Variants in PDXDC1 observed in about 807,000 individuals in gnomAD.
PDXDC1 encodes pyridoxal dependent decarboxylase domain containing 1, also known as pyridoxal-dependent decarboxylase domain-containing protein 1.
Under a neutral mutation model 100.1 loss-of-function variants are expected in PDXDC1, and 42 were observed. That is an observed-to-expected ratio of 0.42 (90% CI 0.33 to 0.54). PDXDC1 has a LOEUF of 0.54. Among genes scored for constraint, PDXDC1 ranks in the 20% least tolerant of loss-of-function variants. The pLI is 0.10. For synonymous variants in PDXDC1, 260 were observed against 371.7 expected, an observed-to-expected ratio of 0.70 and a Z score of 3.46; for missense variants, 636 against 979.2, an observed-to-expected ratio of 0.65 and a Z score of 4.68.
At chr16:15,047,643 C>G (rs1229221724) in intron 16 of PDXDC1, 2 of 1,015,726 alleles carry the variant, frequency 2.0e-6, no homozygotes, top group Non-Finnish European at 3.1e-6. Flanking sequence ...ACCGCCTCAT[C>G]TTTGAATATC....
Position 14,975,128 on chromosome 16 carries a change from G to A in PDXDC1, c.-72G>A. 3.4e-6 allele frequency: 5 copies of A among 1,471,620 alleles called. No homozygotes were observed. The East Asian group carries it at 7.8e-5, about 23-fold the overall frequency. 91.2% of individuals were successfully genotyped at this position (1,471,620 alleles called of 1,614,324 possible). A position where few individuals can be genotyped will look rare whatever the true frequency, so the allele number is the denominator to read the frequency against. On this transcript the variant is annotated 5_prime_UTR_variant, in exon 1 of 23. Coordinates refer to ENST00000396410, the MANE Select transcript of PDXDC1 (RefSeq NM_015027.4). ...CGGGGGACGTCAGCGCTGCCAGCGT[G>A]GAAGGAGCTGCGGGGCGCGGGAGGA... is the stretch of plus-strand genomic sequence containing the variant.
downstream of PDXDC1, among the ~76,000 whole-genome samples, chr16:15,141,752 C>T (rs369016405): frequency 5.3e-5 from 8 of 152,204 alleles, no homozygotes; most frequent in South Asian, 4.1e-4. Flanking sequence ...CCATCCCCGC[C>T]GTGGGGTGGG....
At chr16:14,977,345 T>C (rs1966931824) in intron 1 of PDXDC1, among the ~76,000 whole-genome samples, 1 of 147,792 alleles carries the variant, frequency 6.8e-6, no homozygotes, top group South Asian at 2.2e-4. Context: ...AGTGAGGCGA[T>C]CTCGGATCCC....
In PDXDC1 at chr16:15,074,771, G is replaced by C. The variant is rs150785898; in HGVS notation, c.1399+44715G>C. 1.8e-5 allele frequency: 29 copies of C among 1,614,068 alleles called. No individual in the cohort carries two copies. In the South Asian group the frequency reaches 3.2e-4, roughly 18 times the overall value. On this transcript the variant is annotated intron_variant, in intron 16 of 16. Coordinates refer to the PDXDC1 transcript ENST00000535621. ...ATGTAGGACAAAACCAAAGACATCA[G>C]GATGTCCAGGCGCTCGGCTACAGGA...
At chr16:15,044,293 T>G in intron 16 of PDXDC1, 1 of 1,399,300 alleles carries the variant, frequency 7.1e-7, no homozygotes, top group Non-Finnish European at 1.0e-6. Flanking sequence ...GGGTACATAT[T>G]TATGTCCAAT....
intron 16 of PDXDC1, among the ~76,000 whole-genome samples, chr16:15,095,561 A>C (rs1598042292): frequency 6.6e-6 from 1 of 152,092 alleles, no homozygotes. Flanking sequence ...TTAAAAATGC[A>C]TATGTATGGG....
At chr16:14,994,342 T>G (rs1377735278) in intron 1 of PDXDC1, among the ~76,000 whole-genome samples, 2 of 152,294 alleles carry the variant, frequency 1.3e-5, no homozygotes, top group East Asian at 3.8e-4. Flanking sequence ...GGATCCAGTT[T>G]CAGCTTTCTA....
At chr16:15,007,587 G>A (rs1019948929) in intron 6 of PDXDC1, among the ~76,000 whole-genome samples, 1 of 152,296 alleles carries the variant, frequency 6.6e-6, no homozygotes, top group African/African-American at 2.4e-5. Flanking sequence ...AAACCATAGG[G>A]TTGGAGGGTT....
chr16:15,148,959 A>G, the PDXDC1 span, among the ~76,000 whole-genome samples: 2 of 152,284 alleles, frequency 1.3e-5, no homozygotes, highest in Non-Finnish European at 2.9e-5. Context: ...ATCCGTGTCT[A>G]ATAAAGAAAC....
At chr16:15,010,748 A>G (rs2041193186) in intron 8 of PDXDC1, among the ~76,000 whole-genome samples, 1 of 152,294 alleles carries the variant, frequency 6.6e-6, no homozygotes. Flanking sequence ...AAGAAAAGCT[A>G]CTGGAACTAA....
rs140792129 is a variant in PDXDC1 at position 15,035,638 on chromosome 16, C to T, written c.2107+85C>T. ...CGTTTGTTTTCTGGGTTCTTGAACT[C>T]CAGAGGTCTATTTCTCTTAAGACCA... On this transcript the variant is annotated intron_variant, in intron 22 of 22. Coordinates refer to ENST00000396410, the MANE Select transcript of PDXDC1 (RefSeq NM_015027.4). 177 of 718,788 alleles carry T rather than the reference C, an allele frequency of 2.5e-4. 1 individual carries two copies. In the East Asian group the frequency reaches 4.4e-3, roughly 18 times the overall value. The allele number at this position is 718,788 out of a possible 1,614,324, so 44.5% of individuals were successfully genotyped here.
intron 19 of PDXDC1, among the ~76,000 whole-genome samples, chr16:15,033,621 C>T (rs971062640): frequency 2.0e-5 from 3 of 152,226 alleles, no homozygotes; most frequent in African/African-American, 7.2e-5. Flanking sequence ...GAAAGATCCA[C>T]ATAGCCACGC....
chr16:15,095,399 A>T (rs1446544266), intron 16 of PDXDC1, among the ~76,000 whole-genome samples: 1 of 152,150 alleles, frequency 6.6e-6, no homozygotes, highest in Non-Finnish European at 1.5e-5. Flanking sequence ...TTAAAAAATA[A>T]AAATAATAAA....
At chr16:15,060,263 T>C in intron 16 of PDXDC1, 1 of 324,282 alleles carries the variant, frequency 3.1e-6, no homozygotes, top group Non-Finnish European at 6.1e-6. Flanking sequence ...AATCAACATT[T>C]TGCCAGCAGT....
chr16:15,083,490 T>A (rs1184787211), intron 16 of PDXDC1: 4 of 1,608,040 alleles, frequency 2.5e-6, no homozygotes, highest in Non-Finnish European at 3.4e-6. Flanking sequence ...TTCCATGATG[T>A]TCTCAATGAA....
intron 16 of PDXDC1, chr16:15,094,049 C>G: frequency 9.0e-7 from 1 of 1,112,930 alleles, no homozygotes. Context: ...CTATCACACG[C>G]CATGAGCTTT....
chr16:15,144,830 G>C, the PDXDC1 span, among the ~76,000 whole-genome samples: 15 of 152,310 alleles, frequency 9.8e-5, no homozygotes, highest in African/African-American at 3.6e-4. Context: ...AAAAAGGGCC[G>C]TTTGGAGACA....
chr16:15,060,333 C>T lies in PDXDC1; in HGVS notation c.1399+30277C>T, dbSNP rs551378291. Reference sequence around the variant, plus strand: ...CCACCAAACCCGGAAAAGAAAACCACCCATATCCAAAACTTTAAAGCAATA... The same window carrying T: ...CCACCAAACCCGGAAAAGAAAACCATCCATATCCAAAACTTTAAAGCAATA... On this transcript the variant is annotated intron_variant, in intron 16 of 16. Transcript: ENST00000535621. 1.4e-5 allele frequency: 3 copies of T among 219,516 alleles called. No individual in the cohort carries two copies. The South Asian group carries it at 1.6e-4, about 12-fold the overall frequency. The allele number at this position is 219,516 out of a possible 1,614,324, so 13.6% of individuals were successfully genotyped here. A position where few individuals can be genotyped will look rare whatever the true frequency, so the allele number is the denominator to read the frequency against.
At chr16:14,999,767 A>C (rs1399912136) in intron 3 of PDXDC1, among the ~76,000 whole-genome samples, 1 of 152,290 alleles carries the variant, frequency 6.6e-6, no homozygotes, top group African/African-American at 2.4e-5. Context: ...GAAAAATAGC[A>C]AAAAAGTAAG....
Sources: allele counts gnomAD v4.1 joint callset (sites outside exome capture counted in the v4.1 genomes callset), GRCh38; gene constraint gnomAD v4.1.1; transcripts MANE v1.5; gene names NCBI Gene and HGNC (gene_info 2026-07-23, HGNC 2026-07-21).